Variants in ZIC4 observed in about 807,000 individuals in gnomAD.
ZIC4 encodes Zic family zinc finger 4.
In ZIC4, 15 loss-of-function variants were observed where a neutral mutation model predicts 28.8. The ratio of observed to expected loss-of-function variants is 0.52; its 90% CI spans 0.35 to 0.80. The LOEUF is 0.80. ZIC4 is among the 30% of genes least tolerant of loss of function. The probability of loss-of-function intolerance (pLI) is 0.01; values close to 1 mark genes in which losing one functional copy is unlikely to be tolerated. For missense variants in ZIC4, 512 were observed against 467.1 expected, an observed-to-expected ratio of 1.10 and a Z score of -0.89; for synonymous variants, 220 against 198.1, an observed-to-expected ratio of 1.11 and a Z score of -0.93.
At chr3:147,394,485 A>C (rs898402247) in intron 3 of ZIC4, among the ~76,000 whole-genome samples, 3 of 151,388 alleles carry the variant, frequency 2.0e-5, no homozygotes, top group Admixed American at 6.6e-5. Context: ...AAAAAAAAAA[A>C]AACCCTGTCA....
At chr3:147,397,988 T>C (rs115196329) in intron 2 of ZIC4, among the ~76,000 whole-genome samples, 6,805 of 151,788 alleles carry the variant, frequency 0.045, 213 homozygotes, top group Non-Finnish European at 0.067. Context: ...CGCGCGAAAC[T>C]CAAGGATCTG....
At chr3:147,389,171 C>T (rs1162158528) in intron 4 of ZIC4, 1 of 422,112 alleles carries the variant, frequency 2.4e-6, no homozygotes, top group Non-Finnish European at 4.2e-6. Context: ...AATTTCAGTC[C>T]CCCTTTCTCA....
intron 2 of ZIC4, among the ~76,000 whole-genome samples, chr3:147,401,665 G>A (rs537737682): frequency 3.3e-5 from 5 of 152,274 alleles, no homozygotes; most frequent in South Asian, 2.1e-4. Flanking sequence ...GAGGCCATCC[G>A]TATTTCTAAG....
chr3:147,404,034 CTCCT>C, intron 1 of ZIC4: 2 of 1,537,204 alleles, frequency 1.3e-6, no homozygotes. Context: ...AGGTAATAAG[CTCCT>C]TCCAGCACAA....
intron 3 of ZIC4, chr3:147,392,260 A>T (rs1456360727): frequency 1.0e-6 from 1 of 985,866 alleles, no homozygotes; most frequent in Non-Finnish European, 1.2e-6. Context: ...TGCTGCTGTC[A>T]GGCCAGGCCT....
chr3:147,388,497 T>G lies in ZIC4; in HGVS notation c.*362A>C. On this transcript the variant is annotated 3_prime_UTR_variant, in exon 5 of 5. Transcript: ENST00000383075. ...CAAGCGGCTCTTTTCTTCCTTCACA[T>G]TATTATCCATTTTTATTATGATCGG... 4.5e-5 allele frequency: 13 copies of G among 290,946 alleles called. No individual in the cohort carries two copies. Among genetic ancestry groups the G allele is most frequent in the Middle Eastern group, 9.7e-4 (1 of 1,032 alleles). 18.0% of individuals were successfully genotyped at this position (290,946 alleles called of 1,614,324 possible). A position where few individuals can be genotyped will look rare whatever the true frequency, so the allele number is the denominator to read the frequency against.
At position 147,396,527 on chromosome 3, in the gene ZIC4, C is replaced by T; in HGVS notation, c.71-58G>A. On this transcript the variant is annotated intron_variant, in intron 2 of 4. Coordinates refer to ENST00000383075, the MANE Select transcript of ZIC4 (RefSeq NM_032153.6). The surrounding 1 kb of genome is among the most constrained non-coding windows in gnomAD (Gnocchi z 4.2). ...GGGTGGCGTGGGCTGCGCGCTCTTC[C>T]CTGGGCCCCGGGGGGCAGGCCCAGC... The T allele has an allele frequency of 6.7e-7, 1 of 1,484,496 alleles. No individual in the cohort carries two copies. The highest frequency in any genetic ancestry group is 8.9e-7 in the Non-Finnish European group (1 of 1,127,256). The allele number at this position is 1,484,496 out of a possible 1,614,324, so 92.0% of individuals were successfully genotyped here.
intron 4 of ZIC4, among the ~76,000 whole-genome samples, chr3:147,390,601 G>A (rs1228814936): frequency 6.6e-6 from 1 of 152,106 alleles, no homozygotes; most frequent in Non-Finnish European, 1.5e-5. Context: ...AGTCATGAAG[G>A]CGCGTGTGGG....
chr3:147,403,110 T>A (rs1453432832), intron 1 of ZIC4, among the ~76,000 whole-genome samples: 1 of 152,154 alleles, frequency 6.6e-6, no homozygotes, highest in East Asian at 1.9e-4. Context: ...TCTCTTTTAG[T>A]CAGTGCTCAA....
At chr3:147,405,297 A>G in intron 1 of ZIC4, 1 of 1,357,696 alleles carries the variant, frequency 7.4e-7, no homozygotes, top group Non-Finnish European at 9.8e-7. Flanking sequence ...CGGCTGAGAC[A>G]GGAGAAAAAA....
chr3:147,405,394 C>T lies in ZIC4; in HGVS notation c.-16+969G>A. 7.2e-6 allele frequency: 11 copies of T among 1,537,046 alleles called. No individual in the cohort carries two copies. The East Asian group carries it at 7.3e-5, about 10-fold the overall frequency. On this transcript the variant is annotated intron_variant, in intron 1 of 4. Coordinates refer to ENST00000383075, the MANE Select transcript of ZIC4 (RefSeq NM_032153.6). Reference sequence around the variant, plus strand: ...TGACCTTGGAATCCAAAGGGAGTTTCCTGAAGACGGTGACGGCCGAAGTGC... The same window carrying T: ...TGACCTTGGAATCCAAAGGGAGTTTTCTGAAGACGGTGACGGCCGAAGTGC...
Position 147,394,892 on chromosome 3 carries a change from A to G in ZIC4, c.688+960T>C, listed in dbSNP as rs544310482. The stretch of plus-strand genomic sequence containing the variant: ...TGTTCCAGCAAGAATAGGGGCGAGT[A>G]AGGCAAGGCACCGGGCAGTAGGAGA... On this transcript the variant is annotated intron_variant, in intron 3 of 4. Coordinates refer to ENST00000383075, the MANE Select transcript of ZIC4 (RefSeq NM_032153.6). Among the ~76,000 whole-genome samples the G allele has an allele frequency of 3.3e-4, 51 of 152,314 alleles. No individual in the cohort carries two copies. The Middle Eastern group carries it at 0.01, about 30-fold the overall frequency.
intron 1 of ZIC4, chr3:147,405,257 C>G: frequency 9.9e-7 from 1 of 1,009,666 alleles, no homozygotes; most frequent in Non-Finnish European, 1.4e-6. Flanking sequence ...TTAGCCCTCC[C>G]TTTGAATCAC....
intron 3 of ZIC4, 132 bp from the exon 4 acceptor site, chr3:147,391,378 C>A (rs747374736): frequency 2.4e-6 from 3 of 1,227,930 alleles, no homozygotes; most frequent in Admixed American, 2.9e-5. Context: ...CTTTCCACGG[C>A]GCCTCAGGTC....
chr3:147,388,940 T>C (rs1029527107), intron 4 of ZIC4, 81 bp from the exon 5 acceptor site: 1 of 759,706 alleles, frequency 1.3e-6, no homozygotes, highest in Non-Finnish European at 2.4e-6. Context: ...TAGATTGAGA[T>C]AGAAAGCAAA....
Position 147,404,383 on chromosome 3 carries a change from G to T in ZIC4, c.-15-1571C>A, listed in dbSNP as rs1034181366. ...GGGCAGGCAACAGGGACCTTAGGAG[G>T]CTCTCTGTAGCGTTTCCATCACACA... On this transcript the variant is annotated intron_variant, in intron 1 of 4. Coordinates refer to ENST00000383075, the MANE Select transcript of ZIC4 (RefSeq NM_032153.6). 1.4e-4 allele frequency: 134 copies of T among 952,044 alleles called. No homozygotes were observed. In the South Asian group the frequency reaches 1.9e-3, roughly 13 times the overall value. The allele number at this position is 952,044 out of a possible 1,614,324, so 59.0% of individuals were successfully genotyped here.
At chr3:147,390,605 G>C (rs546016829) in intron 4 of ZIC4, among the ~76,000 whole-genome samples, 1 of 152,150 alleles carries the variant, frequency 6.6e-6, no homozygotes, top group Non-Finnish European at 1.5e-5. Context: ...ATGAAGGCGC[G>C]TGTGGGGGTG....
chr3:147,392,563 G>T (rs987813257), intron 3 of ZIC4: 1 of 454,018 alleles, frequency 2.2e-6, no homozygotes, highest in Non-Finnish European at 2.9e-6. Flanking sequence ...GCCTCCCAGC[G>T]CTCTGAGTTA....
intron 4 of ZIC4, 57 bp downstream of exon 4, chr3:147,390,874 G>A (rs2086897978): frequency 5.2e-6 from 8 of 1,549,810 alleles, no homozygotes; most frequent in South Asian, 1.2e-5. Context: ...TGGTAGCTCG[G>A]GGCTGAGGAT....
Sources: allele counts gnomAD v4.1 joint callset (sites outside exome capture counted in the v4.1 genomes callset), GRCh38; gene constraint gnomAD v4.1.1; non-coding constraint Gnocchi (gnomAD v3.1); transcripts MANE v1.5; gene names NCBI Gene and HGNC (gene_info 2026-07-23, HGNC 2026-07-21).